HSD17B12: variants seen among roughly 807,000 people sequenced by gnomAD.
The protein encoded by HSD17B12 is very-long-chain 3-oxoacyl-CoA reductase.
Under a neutral mutation model 39.3 loss-of-function variants are expected in HSD17B12, and 32 were observed. The observed-to-expected ratio is 0.81, with a 90% CI of 0.61 to 1.09. The LOEUF is 1.09. Ranked by LOEUF, HSD17B12 falls within the 50% of genes least tolerant of loss-of-function variation. The pLI is 0.00. For synonymous variants in HSD17B12, 150 were observed against 146.7 expected (o/e 1.02, Z -0.16); for missense variants, 342 against 382.9 (o/e 0.89, Z 0.89).
At chr11:43,763,426 C>A (rs1827977742) in intron 3 of HSD17B12, among the ~76,000 whole-genome samples, 1 of 151,934 alleles carries the variant, frequency 6.6e-6, no homozygotes, top group African/African-American at 2.4e-5. Context: ...AGATAAGGAA[C>A]CTTTACTAGC....
the HSD17B12 span, among the ~76,000 whole-genome samples, chr11:43,618,247 C>T: frequency 6.6e-6 from 1 of 152,110 alleles, no homozygotes; most frequent in Admixed American, 6.5e-5. Flanking sequence ...AGCTTTGCCT[C>T]TATTTATTTA....
chr11:43,603,018 C>G, the HSD17B12 span, among the ~76,000 whole-genome samples: 1 of 152,106 alleles, frequency 6.6e-6, no homozygotes, highest in Non-Finnish European at 1.5e-5. Context: ...CACAGGGAGG[C>G]TGGATGTGAG....
chr11:43,575,724 G>A, the HSD17B12 span, among the ~76,000 whole-genome samples: 1 of 152,240 alleles, frequency 6.6e-6, no homozygotes, highest in African/African-American at 2.4e-5. The surrounding 1 kb of genome is among the most constrained non-coding windows in gnomAD (Gnocchi z 4.1). Context: ...GAATCTGCAC[G>A]TGACGTCAGT....
the HSD17B12 span, among the ~76,000 whole-genome samples, chr11:43,648,725 TTTTTTTTG>T: frequency 1.4e-5 from 2 of 144,952 alleles, no homozygotes; most frequent in African/African-American, 2.6e-5. Flanking sequence ...GATTTGAAAA[TTTTTTTTG>T]TTTTTTTGTT....
chr11:43,593,898 C>G, the HSD17B12 span, among the ~76,000 whole-genome samples: 2 of 152,000 alleles, frequency 1.3e-5, no homozygotes, highest in Non-Finnish European at 2.9e-5. Flanking sequence ...AATTTCTGTG[C>G]CACTCTCTTC....
intron 1 of HSD17B12, among the ~76,000 whole-genome samples, chr11:43,738,877 T>C (rs565680171): frequency 6.6e-6 from 1 of 152,300 alleles, no homozygotes; most frequent in South Asian, 2.1e-4. Flanking sequence ...GTCTCCAGCA[T>C]GAACCGAAAG....
intron 3 of HSD17B12, among the ~76,000 whole-genome samples, chr11:43,754,426 A>T (rs952073616): frequency 2.6e-5 from 4 of 152,026 alleles, no homozygotes; most frequent in Non-Finnish European, 5.9e-5. Context: ...TTAAAAAAAA[A>T]TTAGCCGGGT....
chr11:43,615,189 T>A, the HSD17B12 span, among the ~76,000 whole-genome samples: 1 of 152,216 alleles, frequency 6.6e-6, no homozygotes, highest in Non-Finnish European at 1.5e-5. Context: ...TAGAGTAACT[T>A]TTATTCTAGA....
At chr11:43,744,585 T>G (rs1406727745) in intron 1 of HSD17B12, among the ~76,000 whole-genome samples, 1 of 152,176 alleles carries the variant, frequency 6.6e-6, no homozygotes, top group Non-Finnish European at 1.5e-5. Flanking sequence ...TAAACTGTCA[T>G]ATAAGGAGAC....
the HSD17B12 span, among the ~76,000 whole-genome samples, chr11:43,664,924 T>G: frequency 6.6e-6 from 1 of 152,220 alleles, no homozygotes; most frequent in Non-Finnish European, 1.5e-5. Context: ...AAGATTAAAA[T>G]GTCTCGTTCA....
intron 7 of HSD17B12, 63 bp from the exon 8 acceptor site, chr11:43,838,254 T>G: frequency 9.5e-7 from 1 of 1,054,488 alleles, no homozygotes; most frequent in Non-Finnish European, 1.5e-6. Flanking sequence ...TCTCAATCTG[T>G]AATTCACAAA....
the HSD17B12 span, among the ~76,000 whole-genome samples, chr11:43,630,672 G>T: frequency 5.9e-5 from 9 of 152,144 alleles, no homozygotes; most frequent in African/African-American, 2.2e-4. Flanking sequence ...GAACCTAGCT[G>T]GATGGCTTGG....
chr11:43,763,980 G>A (rs17598199), intron 3 of HSD17B12, among the ~76,000 whole-genome samples: 5,759 of 152,180 alleles, frequency 0.038, 154 homozygotes, highest in Non-Finnish European at 0.054. Flanking sequence ...CACAGATGGC[G>A]TGAAGAGTTA....
the HSD17B12 span, among the ~76,000 whole-genome samples, chr11:43,661,997 C>T: frequency 2.0e-5 from 3 of 152,040 alleles, no homozygotes; most frequent in South Asian, 2.1e-4. Context: ...TCTGAATATC[C>T]GGTACCTCCA....
the HSD17B12 span, among the ~76,000 whole-genome samples, chr11:43,674,016 A>G: frequency 6.6e-6 from 1 of 152,206 alleles, no homozygotes; most frequent in East Asian, 1.9e-4. Context: ...CTTAAGTAGT[A>G]TTGTTCTCAT....
At chr11:43,743,527 A>G (rs1377440321) in intron 1 of HSD17B12, among the ~76,000 whole-genome samples, 1 of 152,226 alleles carries the variant, frequency 6.6e-6, no homozygotes, top group Admixed American at 6.5e-5. Flanking sequence ...GGGGTGGGGC[A>G]GATGTGCTTG....
the HSD17B12 span, among the ~76,000 whole-genome samples, chr11:43,578,627 C>G: frequency 6.6e-6 from 1 of 152,114 alleles, no homozygotes; most frequent in East Asian, 1.9e-4. Flanking sequence ...TCCCAAGCCT[C>G]GCCCCTCTCA....
the HSD17B12 span, among the ~76,000 whole-genome samples, chr11:43,558,444 A>C: frequency 6.6e-6 from 1 of 152,010 alleles, no homozygotes; most frequent in Non-Finnish European, 1.5e-5. Flanking sequence ...TCATCGAGGG[A>C]AGCAGGCAGC....
chr11:43,694,949 C>T (rs1949896505), intron 1 of HSD17B12, among the ~76,000 whole-genome samples: 1 of 152,038 alleles, frequency 6.6e-6, no homozygotes, highest in Admixed American at 6.6e-5. Flanking sequence ...CTGAGGTGGG[C>T]AGATCACTTG....
Sources: gnomAD v4.1 joint callset for allele counts (sites outside exome capture counted in the v4.1 genomes callset) on GRCh38, gnomAD v4.1.1 for gene constraint, Gnocchi (gnomAD v3.1) non-coding constraint, MANE v1.5 for transcripts, NCBI Gene and HGNC (gene_info 2026-07-23, HGNC 2026-07-21) for gene names.